The following CEP85L variants were observed in gnomAD, a reference collection of about 807,000 sequenced individuals.
CEP85L encodes the protein centrosomal protein 85L.
CEP85L carries 60 observed loss-of-function variants against 100.3 expected under a neutral mutation model. The observed-to-expected ratio is 0.60, with a 90% CI of 0.49 to 0.74. The LOEUF (loss-of-function observed/expected upper bound fraction) is 0.74. Ranked by LOEUF, CEP85L falls within the 30% of genes least tolerant of loss-of-function variation. The pLI is 0.00. For missense variants in CEP85L, 973 were observed against 936.2 expected, an observed-to-expected ratio of 1.04 and a Z score of -0.51; for synonymous variants, 319 against 322.7, an observed-to-expected ratio of 0.99 and a Z score of 0.12.
intron 2 of CEP85L, among the ~76,000 whole-genome samples, chr6:118,617,281 T>A: frequency 6.6e-6 from 1 of 152,260 alleles, no homozygotes; most frequent in Non-Finnish European, 1.5e-5. Flanking sequence ...CCAAGAAAGC[T>A]ATAAACAGCG....
At chr6:118,691,165 G>A (rs187036023) in intron 1 of CEP85L, among the ~76,000 whole-genome samples, 93 of 62,236 alleles carry the variant, frequency 1.5e-3, no homozygotes, top group African/African-American at 5.2e-3. Flanking sequence ...CTGTAATCCC[G>A]ACACTTTGAG....
At chr6:118,514,482 G>A (rs1469558812) in intron 4 of CEP85L, among the ~76,000 whole-genome samples, 1 of 143,044 alleles carries the variant, frequency 7.0e-6, no homozygotes, top group Non-Finnish European at 1.5e-5. Context: ...CTGAGATCGT[G>A]CCATTGCACT....
intron 1 of CEP85L, among the ~76,000 whole-genome samples, chr6:118,697,361 C>G (rs1777248507): frequency 6.6e-6 from 1 of 152,222 alleles, no homozygotes; most frequent in Non-Finnish European, 1.5e-5. Flanking sequence ...GTCCTCTGGT[C>G]TTTATCTTTC....
chr6:118,642,559 T>C (rs1476641144), intron 1 of CEP85L, among the ~76,000 whole-genome samples: 1 of 152,152 alleles, frequency 6.6e-6, no homozygotes, highest in Non-Finnish European at 1.5e-5. Context: ...AAGTATACTT[T>C]CTCACATAAA....
Position 118,481,860 on chromosome 6 carries a change from A to T in CEP85L, c.1664T>A (p.Ile555Asn). ...CTCTTTATCTTGACACTGCTTTTTG[A>T]TCTCTTCAAGTTTTTTTTCTGTATC... is the stretch of plus-strand genomic sequence containing the variant. ...LIDTEKKLEE[I>N]KKQCQDKETQ... Residue 555 changes from isoleucine (I) to asparagine (N), a missense_variant, in exon 8 of 13, where the codon ATC becomes AAC. This residue lies in a region of CEP85L where 890 missense variants were observed against 844.5 expected (regional missense o/e 1.05). Transcript: ENST00000368491. The T allele has an allele frequency of 6.3e-7, 1 of 1,593,094 alleles. No homozygotes were observed. The highest frequency in any genetic ancestry group is 8.6e-7 in the Non-Finnish European group (1 of 1,167,690).
At chr6:118,701,305 CA>C (rs1007022276) in intron 1 of CEP85L, among the ~76,000 whole-genome samples, 3 of 151,896 alleles carry the variant, frequency 2.0e-5, no homozygotes, top group African/African-American at 4.8e-5. Context: ...ATCATTCTGC[CA>C]AAAAAACACA....
At chr6:118,610,208 C>G (rs1237676546) in intron 2 of CEP85L, among the ~76,000 whole-genome samples, 14 of 151,902 alleles carry the variant, frequency 9.2e-5, no homozygotes, top group Admixed American at 9.2e-4. Flanking sequence ...TAAGTAATAC[C>G]AGGTTTTAAA....
chr6:118,595,810 T>G (rs1264545815), intron 2 of CEP85L, among the ~76,000 whole-genome samples: 2 of 152,190 alleles, frequency 1.3e-5, no homozygotes. Context: ...ACATTTCACC[T>G]AAAAATTATC....
intron 1 of CEP85L, among the ~76,000 whole-genome samples, chr6:118,663,402 AGTC>A (rs1776035625): frequency 6.6e-6 from 1 of 152,230 alleles, no homozygotes; most frequent in South Asian, 2.1e-4. Context: ...ATAGAAAAGT[AGTC>A]AATATTTTGC....
intron 3 of CEP85L, among the ~76,000 whole-genome samples, chr6:118,530,715 G>A (rs1777241444): frequency 2.0e-5 from 3 of 151,972 alleles, no homozygotes; most frequent in South Asian, 4.2e-4. Context: ...ATTCATATAT[G>A]CCAACAACTT....
chr6:118,584,673 G>C (rs1780756225), intron 2 of CEP85L, among the ~76,000 whole-genome samples: 1 of 152,184 alleles, frequency 6.6e-6, no homozygotes, highest in Non-Finnish European at 1.5e-5. Flanking sequence ...GCCTAAGTAA[G>C]GAACTTGAGT....
chr6:118,580,613 C>T (rs747504660), intron 2 of CEP85L, among the ~76,000 whole-genome samples: 10 of 152,212 alleles, frequency 6.6e-5, no homozygotes, highest in Non-Finnish European at 1.5e-4. Flanking sequence ...AGCTTCCTTT[C>T]ATGGGGAGAC....
intron 5 of CEP85L, among the ~76,000 whole-genome samples, chr6:118,509,833 G>T (rs1373497635): frequency 6.6e-6 from 1 of 151,990 alleles, no homozygotes; most frequent in Non-Finnish European, 1.5e-5. Flanking sequence ...AAATAAACAT[G>T]CAAACAAGTT....
chr6:118,582,242 G>T (rs1461942244), intron 2 of CEP85L, among the ~76,000 whole-genome samples: 1 of 152,190 alleles, frequency 6.6e-6, no homozygotes, highest in East Asian at 1.9e-4. Flanking sequence ...TGCCATGAGG[G>T]TTCAAGTTTC....
rs550688356 is a variant in CEP85L at position 118,482,541 on chromosome 6, T to C, written c.1591-608A>G. 3.9e-5 allele frequency among the ~76,000 whole-genome samples: 6 copies of C among 152,348 alleles called. No homozygotes were observed. In the South Asian group the frequency reaches 1.0e-3, roughly 26 times the overall value. ...TAGCATGTGTCAGAATTTCTCTCCT[T>C]GTTAAGGCGAACAGGATTCCACTGT... is the stretch of plus-strand genomic sequence containing the variant. On this transcript the variant is annotated intron_variant, in intron 7 of 12. Transcript: ENST00000368491.
At chr6:118,641,086 A>G (rs1157847770) in intron 1 of CEP85L, among the ~76,000 whole-genome samples, 1 of 152,170 alleles carries the variant, frequency 6.6e-6, no homozygotes, top group Non-Finnish European at 1.5e-5. Flanking sequence ...CCACATAACA[A>G]TAATTCTTCT....
At chr6:118,639,996 T>C (rs912936044) in intron 1 of CEP85L, among the ~76,000 whole-genome samples, 2 of 152,222 alleles carry the variant, frequency 1.3e-5, no homozygotes, top group East Asian at 1.9e-4. Context: ...TATTTATCAA[T>C]GCAGCTTTTT....
chr6:118,562,024 T>C (rs539119815), intron 3 of CEP85L, among the ~76,000 whole-genome samples: 62 of 152,290 alleles, frequency 4.1e-4, no homozygotes, highest in African/African-American at 1.5e-3. Context: ...ATGCTAATAT[T>C]ACATAGAAAA....
chr6:118,513,651 T>C (rs1017298270), intron 4 of CEP85L, among the ~76,000 whole-genome samples: 5 of 152,070 alleles, frequency 3.3e-5, no homozygotes, highest in Non-Finnish European at 1.5e-5. Flanking sequence ...TAACCTATAA[T>C]ACTTCACCCA....
Sources: allele counts gnomAD v4.1 joint callset (sites outside exome capture counted in the v4.1 genomes callset), GRCh38; gene constraint gnomAD v4.1.1; regional missense constraint gnomAD v4.1.1; transcripts MANE v1.5; gene names NCBI Gene and HGNC (gene_info 2026-07-23, HGNC 2026-07-21).